The following ROCK2 variants were observed in gnomAD, a reference collection of about 807,000 sequenced individuals.
The protein encoded by ROCK2 is Rho associated coiled-coil containing protein kinase 2.
A neutral mutation model predicts 195.1 loss-of-function variants in ROCK2; 61 were observed. The ratio of observed to expected loss-of-function variants is 0.31; its 90% CI spans 0.25 to 0.39. The LOEUF (loss-of-function observed/expected upper bound fraction) is 0.39, where lower values mean the gene tolerates loss of function less well. Ranked by LOEUF, ROCK2 falls within the 10% of genes least tolerant of loss-of-function variation. The probability of loss-of-function intolerance (pLI) is 1.00; values close to 1 mark genes in which losing one functional copy is unlikely to be tolerated. For synonymous variants in ROCK2, 504 were observed against 545.5 expected (o/e 0.92, Z 1.06); for missense variants, 1,109 against 1,637.4 (o/e 0.68, Z 5.57).
At chr2:11,303,555 C>T (rs1372706516) in intron 1 of ROCK2, among the ~76,000 whole-genome samples, 2 of 152,162 alleles carry the variant, frequency 1.3e-5, no homozygotes, top group African/African-American at 4.8e-5. Context: ...CTTCTCGCCG[C>T]CTTCTCTACT....
chr2:11,337,250 A>T (rs913783694), intron 1 of ROCK2, among the ~76,000 whole-genome samples: 9 of 152,144 alleles, frequency 5.9e-5, no homozygotes, highest in African/African-American at 2.2e-4. Context: ...ACCTCAGAAA[A>T]AAAAAAAAAG....
At chr2:11,298,990 C>T (rs887125038) in intron 1 of ROCK2, among the ~76,000 whole-genome samples, 5 of 151,906 alleles carry the variant, frequency 3.3e-5, no homozygotes, top group South Asian at 2.1e-4. Context: ...CGCTGGAGGC[C>T]GGGCACGGTG....
At chr2:11,227,200 A>G (rs1220239609) in intron 6 of ROCK2, 54 bp downstream of exon 6, 1 of 1,473,964 alleles carries the variant, frequency 6.8e-7, no homozygotes. Flanking sequence ...TTCTTGACTG[A>G]AATAAAGTAT....
Position 11,218,551 on chromosome 2 carries a change from AAATTATCC to A in ROCK2, c.1321-93_1321-86del. The A allele has an allele frequency of 3.2e-6, 3 of 951,634 alleles. No individual in the cohort carries two copies. The South Asian group carries it at 5.2e-5, about 16-fold the overall frequency. 58.9% of individuals were successfully genotyped at this position (951,634 alleles called of 1,614,324 possible). On this transcript the variant is annotated intron_variant, in intron 10 of 32. Transcript: ENST00000315872. ...AATTCCTAAAACACAAACCATAACA[AAATTATCC>A]AACCTAATGCTTTAGCTTTCATAAG...
intron 3 of ROCK2, 108 bp downstream of exon 3, chr2:11,286,431 C>A: frequency 1.4e-6 from 1 of 705,224 alleles, no homozygotes; most frequent in African/African-American, 1.8e-5. Context: ...CACAAAGCCA[C>A]CTTCTGGCAT....
chr2:11,283,100 CTACTAAAAA>C (rs1431827283), intron 3 of ROCK2, among the ~76,000 whole-genome samples: 1 of 141,086 alleles, frequency 7.1e-6, no homozygotes, highest in African/African-American at 2.6e-5. Context: ...AACCCCATCT[CTACTAAAAA>C]TACAAAAAAT....
chr2:11,328,014 T>C (rs1031946318), intron 1 of ROCK2, among the ~76,000 whole-genome samples: 1 of 152,126 alleles, frequency 6.6e-6, no homozygotes, highest in South Asian at 2.1e-4. Context: ...ATAGAGAACA[T>C]GGTATATTCA....
At chr2:11,326,145 C>T (rs930262041) in intron 1 of ROCK2, among the ~76,000 whole-genome samples, 1 of 151,988 alleles carries the variant, frequency 6.6e-6, no homozygotes, top group Non-Finnish European at 1.5e-5. Context: ...CAAATGCAAG[C>T]TCTCAGATGG....
rs544998278 is a variant in ROCK2, at chr2:11,221,450, C to T, written c.1100-93G>A. Reference sequence around the variant, plus strand: ...TGATGTATTATTTATTATTTAATAACACTATATAAATTTGTAGCAGCGCAT... The same window carrying T: ...TGATGTATTATTTATTATTTAATAATACTATATAAATTTGTAGCAGCGCAT... On this transcript the variant is annotated intron_variant, in intron 8 of 32. Transcript: ENST00000315872. 6 of 906,786 alleles carry T rather than the reference C, an allele frequency of 6.6e-6. No individual in the cohort carries two copies. In the South Asian group the frequency reaches 1.5e-4, roughly 22 times the overall value. The allele number at this position is 906,786 out of a possible 1,614,324, so 56.2% of individuals were successfully genotyped here.
rs181946007 is a variant in ROCK2 at position 11,227,848 on chromosome 2, T to C, written c.724-450A>G. Among the ~76,000 whole-genome samples the C allele has an allele frequency of 1.3e-4, 20 of 152,176 alleles. No individual in the cohort carries two copies. The East Asian group carries it at 3.9e-3, about 29-fold the overall frequency. On this transcript the variant is annotated intron_variant, in intron 5 of 32. Transcript: ENST00000315872. ...TAACAAAGGGCCCCAGTTTGGAGAC[T>C]GAATAAAGAATTGGCTCTTGTATTA...
In ROCK2 at chr2:11,344,284, G is replaced by A. The variant is rs936598196; in HGVS notation, c.-148C>T. 3 of 1,257,316 alleles carry A rather than the reference G, an allele frequency of 2.4e-6. No homozygotes were observed. Among genetic ancestry groups the A allele is most frequent in the Non-Finnish European group, 3.0e-6 (3 of 1,003,368 alleles). The allele number at this position is 1,257,316 out of a possible 1,614,324, so 77.9% of individuals were successfully genotyped here. ...AGCTCCGGCTTCGGGTCTCCAAGGC[G>A]GTCCCCCGCCTGGGGGCTGCTCCCA... On this transcript the variant is annotated 5_prime_UTR_variant, in exon 1 of 33. Coordinates refer to ENST00000315872, the MANE Select transcript of ROCK2 (RefSeq NM_004850.5). This position sits in a 1 kb window ranked among gnomAD's most constrained non-coding sequence, Gnocchi z 5.4.
intron 1 of ROCK2, among the ~76,000 whole-genome samples, chr2:11,292,222 T>G (rs1391455708): frequency 1.3e-5 from 2 of 152,204 alleles, no homozygotes; most frequent in Non-Finnish European, 2.9e-5. Context: ...ACAAATTATG[T>G]CTTATTCTTT....
At position 11,344,553 on chromosome 2, in the gene ROCK2, G is replaced by A. The variant is rs1469324186; in HGVS notation, c.-417C>T. ...GGCCTGGGCCACTACGGCCGCCGCC[G>A]GCCCGCTGCCATGGTCGCCGCCGGC... On this transcript the variant is annotated 5_prime_UTR_variant, in exon 1 of 33. Coordinates refer to ENST00000315872, the MANE Select transcript of ROCK2 (RefSeq NM_004850.5). This position sits in a 1 kb window ranked among gnomAD's most constrained non-coding sequence, Gnocchi z 5.4. 2.1e-6 allele frequency: 2 copies of A among 950,136 alleles called. No individual in the cohort carries two copies. The highest frequency in any genetic ancestry group is 2.5e-6 in the Non-Finnish European group (2 of 799,608). 58.9% of individuals were successfully genotyped at this position (950,136 alleles called of 1,614,324 possible). A position where few individuals can be genotyped will look rare whatever the true frequency, so the allele number is the denominator to read the frequency against.
intron 3 of ROCK2, among the ~76,000 whole-genome samples, chr2:11,254,860 C>T (rs72787638): frequency 0.043 from 6,454 of 149,606 alleles, 275 homozygotes; most frequent in Non-Finnish European, 0.06. Context: ...CTAACAAAAC[C>T]TAACATTAAA....
At chr2:11,230,048 T>A (rs569932178) in intron 5 of ROCK2, among the ~76,000 whole-genome samples, 2 of 152,270 alleles carry the variant, frequency 1.3e-5, no homozygotes, top group East Asian at 3.9e-4. Flanking sequence ...GAATTAAATA[T>A]AAACATGTGT....
intron 32 of ROCK2, among the ~76,000 whole-genome samples, chr2:11,189,863 T>C (rs938385402): frequency 6.6e-6 from 1 of 151,840 alleles, no homozygotes. Flanking sequence ...TCATGGTGCA[T>C]GTATGTGGTC....
chr2:11,221,495 C>T, intron 8 of ROCK2, 138 bp from the exon 9 acceptor site: 1 of 551,352 alleles, frequency 1.8e-6, no homozygotes, highest in Non-Finnish European at 2.8e-6. Context: ...TATCGATTCA[C>T]AGAATTAAAA....
chr2:11,305,444 TACACACAC>T (rs59533265), intron 1 of ROCK2, among the ~76,000 whole-genome samples: 16,085 of 150,440 alleles, frequency 0.11, 1,073 homozygotes, highest in East Asian at 0.36. Context: ...TGTGTGGGTG[TACACACAC>T]ACACACACAC....
chr2:11,275,292 T>C (rs1032974847), intron 3 of ROCK2, among the ~76,000 whole-genome samples: 1 of 151,952 alleles, frequency 6.6e-6, no homozygotes, highest in Non-Finnish European at 1.5e-5. Flanking sequence ...AGAACAATTA[T>C]ACAATATACT....
Sources: allele counts gnomAD v4.1 joint callset (sites outside exome capture counted in the v4.1 genomes callset), GRCh38; gene constraint gnomAD v4.1.1; non-coding constraint Gnocchi (gnomAD v3.1); transcripts MANE v1.5; gene names NCBI Gene and HGNC (gene_info 2026-07-23, HGNC 2026-07-21).